Variants in SPAG16 observed in about 807,000 individuals in gnomAD.
SPAG16 encodes the protein sperm associated antigen 16.
SPAG16 carries 86 observed loss-of-function variants against 80.4 expected under a neutral mutation model. The observed-to-expected ratio is 1.07, with a 90% CI of 0.90 to 1.28. SPAG16 has a LOEUF of 1.28. Ranked by LOEUF, SPAG16 falls within the 50% of genes most tolerant of loss-of-function variation. SPAG16 has a pLI of 0.00. For missense variants in SPAG16, 870 were observed against 765.3 expected, an observed-to-expected ratio of 1.14 and a Z score of -1.61; for synonymous variants, 294 against 265.9, an observed-to-expected ratio of 1.11 and a Z score of -1.03.
chr2:214,341,621 G>A (rs1697704582), intron 15 of SPAG16, among the ~76,000 whole-genome samples: 1 of 152,156 alleles, frequency 6.6e-6, no homozygotes, highest in Admixed American at 6.6e-5. Context: ...GAAAAAAAAT[G>A]AATCAATGTT....
chr2:213,797,162 C>T (rs1020057174), intron 10 of SPAG16, among the ~76,000 whole-genome samples: 5 of 151,632 alleles, frequency 3.3e-5, no homozygotes, highest in South Asian at 4.2e-4. Context: ...ATAAGACATC[C>T]GTAAAGTTAA....
At chr2:214,352,572 G>GTGTGTGTGTGTGTGTGTGTGTGTGTA (rs1179061926) in intron 15 of SPAG16, among the ~76,000 whole-genome samples, 5 of 60,710 alleles carry the variant, frequency 8.2e-5, no homozygotes, top group Admixed American at 7.8e-4. Flanking sequence ...GTGTGTGTGT[G>GTGTGTGTGTGTGTGTGTGTGTGTGTA]TGTATGTGTG....
rs1250181512 is a variant in SPAG16, at chr2:213,728,630, C to T, written c.1071-133855C>T. On this transcript the variant is annotated intron_variant, in intron 10 of 15. Transcript: ENST00000331683. ...GTGGCTCACGCCTGTAATCCCAGCA[C>T]TTTGGGAGGCCGAAGCGGGCGGATC... Among the ~76,000 whole-genome samples the T allele has an allele frequency of 3.9e-5, 6 of 152,180 alleles. No homozygotes were observed. In the East Asian group the frequency reaches 1.2e-3, roughly 30 times the overall value.
chr2:214,265,547 C>A (rs1472238039), intron 15 of SPAG16, among the ~76,000 whole-genome samples: 1 of 152,030 alleles, frequency 6.6e-6, no homozygotes, highest in East Asian at 1.9e-4. Flanking sequence ...TTCTCCCAGT[C>A]TTTAGTTTAT....
chr2:213,688,292 A>T (rs1174274986), intron 10 of SPAG16, among the ~76,000 whole-genome samples: 1 of 152,230 alleles, frequency 6.6e-6, no homozygotes, highest in African/African-American at 2.4e-5. Flanking sequence ...AATGTTTCCT[A>T]TTCAGACCTT....
intron 11 of SPAG16, among the ~76,000 whole-genome samples, chr2:213,868,802 TAGG>T (rs1414772749): frequency 6.6e-6 from 1 of 152,142 alleles, no homozygotes; most frequent in East Asian, 1.9e-4. Flanking sequence ...CTTCTACCCT[TAGG>T]AGCTGATTCA....
rs754598001 is a variant in SPAG16, at chr2:214,117,540, C to CCAACAA, written c.1593+9290_1593+9295dup. ...CCTGATACCAAAACCAGACAAGGAC[C>CCAACAA]CAACAACAACAACAACCAACACTAT... On this transcript the variant is annotated intron_variant, in intron 14 of 15. Transcript: ENST00000331683. Among the ~76,000 whole-genome samples the CCAACAA allele has an allele frequency of 3.3e-5, 5 of 152,012 alleles. No homozygotes were observed. In the East Asian group the frequency reaches 9.7e-4, roughly 29 times the overall value.
intron 15 of SPAG16, among the ~76,000 whole-genome samples, chr2:214,330,895 T>G (rs1338344382): frequency 1.3e-5 from 2 of 152,196 alleles, no homozygotes; most frequent in African/African-American, 4.8e-5. Context: ...CTTCATGCAG[T>G]CAATTCATAT....
chr2:214,259,605 C>A (rs1690986530), intron 15 of SPAG16, among the ~76,000 whole-genome samples: 2 of 150,944 alleles, frequency 1.3e-5, no homozygotes, highest in Non-Finnish European at 2.9e-5. Context: ...GGCGTTCACT[C>A]TCCTTCACTC....
Position 213,831,773 on chromosome 2 carries a change from A to G in SPAG16, c.1071-30712A>G, listed in dbSNP as rs974358560. Among the ~76,000 whole-genome samples, 72 of 152,252 alleles carry G rather than the reference A, an allele frequency of 4.7e-4. 1 individual carries two copies. The highest frequency in any genetic ancestry group is 1.7e-3 in the African/African-American group (70 of 41,550). ...ATTGTAATCATAAATGACATTTAGC[A>G]TTTTAAAACTTTACAATATTAATTA... On this transcript the variant is annotated intron_variant, in intron 10 of 15. Transcript: ENST00000331683.
chr2:213,319,364 T>C (rs2063525390), intron 5 of SPAG16, among the ~76,000 whole-genome samples: 1 of 151,964 alleles, frequency 6.6e-6, no homozygotes, highest in Non-Finnish European at 1.5e-5. Flanking sequence ...TTTATTCAAG[T>C]ATTATCTGTA....
intron 15 of SPAG16, among the ~76,000 whole-genome samples, chr2:214,282,133 C>T (rs912733213): frequency 6.6e-6 from 1 of 152,110 alleles, no homozygotes; most frequent in African/African-American, 2.4e-5. Context: ...TTGAATTGTA[C>T]ACTTTATATG....
chr2:214,025,071 GAAT>G (rs1176576056), intron 13 of SPAG16, among the ~76,000 whole-genome samples: 1 of 151,418 alleles, frequency 6.6e-6, no homozygotes, highest in Admixed American at 6.6e-5. Context: ...TTTAAAATGG[GAAT>G]AATAATAATT....
chr2:213,426,836 T>TACAC (rs199604984), intron 9 of SPAG16, among the ~76,000 whole-genome samples: 7,882 of 125,680 alleles, frequency 0.063, 324 homozygotes, highest in Middle Eastern at 0.095. Flanking sequence ...TTCTGATACA[T>TACAC]ACACACACAC....
intron 9 of SPAG16, among the ~76,000 whole-genome samples, chr2:213,437,656 C>T (rs571798104): frequency 6.6e-6 from 1 of 152,022 alleles, no homozygotes; most frequent in Non-Finnish European, 1.5e-5. Flanking sequence ...TACTTTTTAC[C>T]CCAATCCCAC....
chr2:213,718,095 TC>T (rs1175046679), intron 10 of SPAG16, among the ~76,000 whole-genome samples: 1 of 126,228 alleles, frequency 7.9e-6, no homozygotes, highest in African/African-American at 3.0e-5. Context: ...TTGCAACCTA[TC>T]CATCTGACAA....
rs1425545086 is a variant in SPAG16, at chr2:213,932,201, TG to T, written c.1400+2057del. Among the ~76,000 whole-genome samples the T allele has an allele frequency of 7.3e-3, 1,002 of 137,482 alleles. 43 individuals are homozygous for T. The highest frequency in any genetic ancestry group is 0.027 in the African/African-American group (950 of 35,648). 90.2% of individuals were successfully genotyped at this position (137,482 alleles called of 152,430 possible). ...ATATATATATATATATATATATATT[TG>T]TTGTTGTTGTTGTTGTTGTTGTTTT... On this transcript the variant is annotated intron_variant, in intron 12 of 15. Transcript: ENST00000331683.
At chr2:213,967,310 A>G (rs971078351) in intron 12 of SPAG16, among the ~76,000 whole-genome samples, 2 of 152,172 alleles carry the variant, frequency 1.3e-5, no homozygotes, top group African/African-American at 4.8e-5. Flanking sequence ...AAATCTATTT[A>G]TCTCTTCTTA....
chr2:214,112,758 C>T (rs1189738599), intron 14 of SPAG16, among the ~76,000 whole-genome samples: 2 of 150,570 alleles, frequency 1.3e-5, no homozygotes, highest in Non-Finnish European at 2.9e-5. Flanking sequence ...ACACTGATGG[C>T]TCTTGATTCT....
Sources: allele counts gnomAD v4.1 joint callset (sites outside exome capture counted in the v4.1 genomes callset), GRCh38; gene constraint gnomAD v4.1.1; transcripts MANE v1.5; gene names NCBI Gene and HGNC (gene_info 2026-07-23, HGNC 2026-07-21).